Variants in CDKN2B-AS1 observed in about 807,000 individuals in gnomAD.
The protein encoded by CDKN2B-AS1 is CDKN2B and CDKN2A antisense cis and trans regulatory RNA 1, also known as CDKN2B antisense RNA 1 (non-protein coding).
chr9:22,106,589 G>A (rs1477988386), intron 4 of CDKN2B-AS1, among the ~76,000 whole-genome samples: 3 of 152,184 alleles, frequency 2.0e-5, no homozygotes, highest in Non-Finnish European at 2.9e-5. Flanking sequence ...TTGGAGAGTT[G>A]TTAAAGATTA....
Position 22,006,173 on chromosome 9 carries a change from A to G in CDKN2B-AS1, n.29+11012A>G, listed in dbSNP as rs1480852595. 1.2e-6 allele frequency: 2 copies of G among 1,610,558 alleles called. No homozygotes were observed. Among genetic ancestry groups the G allele is most frequent in the African/African-American group, 1.3e-5 (1 of 75,044 alleles). ...CATGCACCGGTCGGGTGAGAGTGGC[A>G]GGGTCTGCGCAGTTGGGCTCCGCGC... On this transcript the variant is annotated intron_variant and non_coding_transcript_variant, in intron 1 of 4. Coordinates refer to ENST00000650946, the Ensembl canonical transcript of CDKN2B-AS1. The surrounding 1 kb of genome is among the most constrained non-coding windows in gnomAD (Gnocchi z 6.4).
intron 4 of CDKN2B-AS1, among the ~76,000 whole-genome samples, chr9:22,099,455 A>G (rs950921968): frequency 6.6e-5 from 10 of 152,114 alleles, no homozygotes; most frequent in Non-Finnish European, 1.5e-4. Context: ...TGTTTGGGAG[A>G]CTGTTCTAAT....
chr9:22,041,388 A>G (rs565868388), intron 1 of CDKN2B-AS1, among the ~76,000 whole-genome samples: 1 of 152,122 alleles, frequency 6.6e-6, no homozygotes, highest in Admixed American at 6.6e-5. Context: ...GATATTTTTC[A>G]AAGTGAAAAC....
intron 4 of CDKN2B-AS1, among the ~76,000 whole-genome samples, chr9:22,096,969 T>A (rs1825298238): frequency 6.6e-6 from 1 of 152,068 alleles, no homozygotes; most frequent in Non-Finnish European, 1.5e-5. Context: ...GCCTGCTGGA[T>A]TTGCAGTGTT....
rs534503608 is a variant in CDKN2B-AS1 at position 22,063,572 on chromosome 9, C to T, written n.438+7185C>T. Among the ~76,000 whole-genome samples, 231 of 152,236 alleles carry T rather than the reference C, an allele frequency of 1.5e-3. 1 individual carries two copies. Among genetic ancestry groups the T allele is most frequent in the African/African-American group, 5.3e-3 (219 of 41,544 alleles). On this transcript the variant is annotated intron_variant and non_coding_transcript_variant, in intron 4 of 4. Transcript: ENST00000650946. ...AATAATGTGTTTAGGAGTATTTAGC[C>T]TTGTAGGTACCAAGATTGCATTGAT...
At chr9:22,061,023 C>A (rs1170210605) in intron 4 of CDKN2B-AS1, among the ~76,000 whole-genome samples, 1 of 152,156 alleles carries the variant, frequency 6.6e-6, no homozygotes, top group Non-Finnish European at 1.5e-5. Flanking sequence ...CACTATACCA[C>A]AAGTTTTTTT....
chr9:22,069,622 T>A (rs1824207363), intron 4 of CDKN2B-AS1, among the ~76,000 whole-genome samples: 2 of 152,204 alleles, frequency 1.3e-5, no homozygotes, highest in South Asian at 2.1e-4. Context: ...CAAGGTATAT[T>A]TAGTGTACTC....
intron 4 of CDKN2B-AS1, among the ~76,000 whole-genome samples, chr9:22,125,384 TAAAC>T (rs1054097091): frequency 5.3e-5 from 8 of 152,248 alleles, no homozygotes; most frequent in African/African-American, 1.7e-4. Context: ...AAAATACAAA[TAAAC>T]TAACTCTGCT....
intron 3 of CDKN2B-AS1, among the ~76,000 whole-genome samples, chr9:22,051,429 G>A (rs1325915758): frequency 6.6e-6 from 1 of 152,146 alleles, no homozygotes; most frequent in African/African-American, 2.4e-5. Context: ...ACATAAATGT[G>A]TTAAACTTGG....
intron 1 of CDKN2B-AS1, among the ~76,000 whole-genome samples, chr9:22,033,243 C>G (rs1332860271): frequency 6.6e-6 from 1 of 152,196 alleles, no homozygotes; most frequent in African/African-American, 2.4e-5. Context: ...CACCGCTGCA[C>G]TACACTACCT....
At chr9:22,112,874 C>T (rs1430254118) in intron 4 of CDKN2B-AS1, among the ~76,000 whole-genome samples, 1 of 151,988 alleles carries the variant, frequency 6.6e-6, no homozygotes, top group African/African-American at 2.4e-5. Context: ...TGAGGTAAGG[C>T]CTAAAATAAA....
At chr9:22,046,503 G>A (rs1823114425) in intron 1 of CDKN2B-AS1, 1 of 152,162 alleles carries the variant, frequency 6.6e-6, no homozygotes, top group South Asian at 2.1e-4. Context: ...GAGAAAAAAG[G>A]CAGGAGGATC....
At chr9:22,032,854 T>G (rs1380159197) in intron 1 of CDKN2B-AS1, 1 of 151,686 alleles carries the variant, frequency 6.6e-6, no homozygotes, top group Non-Finnish European at 1.5e-5. Flanking sequence ...GGCCACAGAC[T>G]GTGGCCCTAG....
At chr9:22,010,130 T>C (rs1821424897) in intron 1 of CDKN2B-AS1, among the ~76,000 whole-genome samples, 1 of 152,208 alleles carries the variant, frequency 6.6e-6, no homozygotes, top group Non-Finnish European at 1.5e-5. Flanking sequence ...AGGAAATTTA[T>C]GCAGTAATAA....
chr9:22,084,208 G>C (rs1296880077), intron 4 of CDKN2B-AS1, among the ~76,000 whole-genome samples: 1 of 152,158 alleles, frequency 6.6e-6, no homozygotes, highest in African/African-American at 2.4e-5. Context: ...AATTGAGCCA[G>C]AATTTGAGCC....
intron 1 of CDKN2B-AS1, among the ~76,000 whole-genome samples, chr9:22,018,572 G>T (rs900245481): frequency 2.0e-5 from 3 of 152,170 alleles, no homozygotes; most frequent in African/African-American, 7.2e-5. Flanking sequence ...GAGGAGAATC[G>T]CTTGAACCTG....
At chr9:22,103,745 A>G (rs944629682) in intron 4 of CDKN2B-AS1, among the ~76,000 whole-genome samples, 6 of 152,162 alleles carry the variant, frequency 3.9e-5, no homozygotes, top group African/African-American at 1.4e-4. Flanking sequence ...AACCCCCTGT[A>G]TTGTACTCCT....
At chr9:22,090,912 C>T (rs1214229089) in intron 4 of CDKN2B-AS1, among the ~76,000 whole-genome samples, 1 of 152,178 alleles carries the variant, frequency 6.6e-6, no homozygotes, top group Admixed American at 6.5e-5. Context: ...ATGCCTATGT[C>T]CTGAATGGTA....
chr9:22,000,772 A>T lies in CDKN2B-AS1; in HGVS notation n.29+5611A>T, dbSNP rs914061979. 1.3e-5 allele frequency among the ~76,000 whole-genome samples: 2 copies of T among 152,228 alleles called. No individual in the cohort carries two copies. Among genetic ancestry groups the T allele is most frequent in the Non-Finnish European group, 2.9e-5 (2 of 68,028 alleles). ...AAAATATATAATAACAAACAATAAC[A>T]GTACTTGCAGCTTAATTAAAGAAAA... is the stretch of plus-strand genomic sequence containing the variant. On this transcript the variant is annotated intron_variant and non_coding_transcript_variant, in intron 1 of 4. Transcript: ENST00000650946. The surrounding 1 kb of genome is among the most constrained non-coding windows in gnomAD (Gnocchi z 4.1).
Sources: gnomAD v4.1 joint callset for allele counts (sites outside exome capture counted in the v4.1 genomes callset) on GRCh38, gnomAD v4.1.1 for gene constraint, Gnocchi (gnomAD v3.1) non-coding constraint, MANE v1.5 for transcripts, NCBI Gene and HGNC (gene_info 2026-07-23, HGNC 2026-07-21) for gene names.